Variants in PRRC2C observed in about 807,000 individuals in gnomAD.
The protein encoded by PRRC2C is protein PRRC2C.
Under a neutral mutation model 317.2 loss-of-function variants are expected in PRRC2C, and 72 were observed. The ratio of observed to expected loss-of-function variants is 0.23; its 90% confidence interval spans 0.19 to 0.28. The LOEUF is 0.28. Ranked by LOEUF, PRRC2C falls within the 10% of genes least tolerant of loss-of-function variation. The pLI, the probability that PRRC2C is intolerant of heterozygous loss-of-function variation, is 1.00. For missense variants in PRRC2C, 3,074 were observed against 3,459.7 expected (o/e 0.89, Z 2.80); for synonymous variants, 1,296 against 1,205.9 (o/e 1.07, Z -1.55).
chr1:171,573,824 G>A lies in PRRC2C; in HGVS notation c.6754-1103G>A, dbSNP rs563884367. ...CTCCCGAGTAGCTGGATTTACAGGC[G>A]CACACCACGCCCGGCTAAATTTTTT... On this transcript the variant is annotated intron_variant, in intron 24 of 34. Coordinates refer to ENST00000647382, the MANE Select transcript of PRRC2C (RefSeq NM_001387844.1). Among the ~76,000 whole-genome samples the A allele has an allele frequency of 3.3e-5, 5 of 151,538 alleles. No individual in the cohort carries two copies. The South Asian group carries it at 8.4e-4, about 25-fold the overall frequency.
chr1:171,568,484 GTAATA>G, intron 23 of PRRC2C, 145 bp downstream of exon 23: 4 of 1,312,050 alleles, frequency 3.0e-6, no homozygotes, highest in Non-Finnish European at 4.0e-6. Flanking sequence ...TAGGAGTACT[GTAATA>G]TAATTAGCAA....
chr1:171,589,659 T>A, intron 34 of PRRC2C, 54 bp downstream of exon 34: 1 of 1,204,636 alleles, frequency 8.3e-7, no homozygotes, highest in Non-Finnish European at 1.1e-6. Context: ...GAACCATGTC[T>A]TAAAATGCCT....
rs1166137326 is a variant in PRRC2C, at chr1:171,512,167, A to C, written c.79A>C (p.Lys27Gln). Residue 27 changes from lysine (K) to glutamine (Q), a missense_variant, in exon 2 of 35, where the codon AAG becomes CAG. Coordinates refer to ENST00000647382, the MANE Select transcript of PRRC2C (RefSeq NM_001387844.1). The stretch of plus-strand genomic sequence containing the variant: ...AACACTCAGTTTATTTAATACTTAC[A>C]AGGGGAAATCATTAGAAACACAGAA... ...YATLSLFNTY[K>Q]GKSLETQKTT... 6.3e-7 allele frequency: 1 copy of C among 1,578,660 alleles called. No homozygotes were observed. Among genetic ancestry groups the C allele is most frequent in the East Asian group, 2.3e-5 (1 of 43,450 alleles).
intron 22 of PRRC2C, 38 bp from the exon 23 acceptor site, chr1:171,568,209 A>G: frequency 6.5e-7 from 1 of 1,542,894 alleles, no homozygotes; most frequent in Non-Finnish European, 8.8e-7. Flanking sequence ...CAATTAATTC[A>G]GTTTAAAATG....
At chr1:171,487,823 T>C (rs996017805) in intron 1 of PRRC2C, among the ~76,000 whole-genome samples, 1 of 152,156 alleles carries the variant, frequency 6.6e-6, no homozygotes, top group Non-Finnish European at 1.5e-5. Context: ...TTCCAAGCAA[T>C]AAATAATCTG....
At chr1:171,576,084 G>GA (rs1194322622) in intron 25 of PRRC2C, among the ~76,000 whole-genome samples, 1 of 152,146 alleles carries the variant, frequency 6.6e-6, no homozygotes, top group Non-Finnish European at 1.5e-5. Flanking sequence ...ATCAAACTGT[G>GA]TTCCAACTAT....
In PRRC2C at chr1:171,541,680, A is replaced by G. The variant is rs562495185; in HGVS notation, c.4214A>G (p.Asp1405Gly). The change falls in exon 16 of 35, where the codon GAT becomes GGT. Residue 1405 changes from aspartate to glycine, a missense_variant. Around this residue, in one of 11 missense-constraint regions of PRRC2C, gnomAD observed 1,320 missense variants for 1,395.7 expected, o/e 0.95. Coordinates refer to ENST00000647382, the MANE Select transcript of PRRC2C (RefSeq NM_001387844.1). This position sits in a 1 kb window ranked among gnomAD's most constrained non-coding sequence, Gnocchi z 4.1. ...GAGCAGTTTATTCCTATAGCAGCAG[A>G]TAAACGACCTCCAAAATTTGAGCGA... is the stretch of plus-strand genomic sequence containing the variant. ...RHEQFIPIAADKRPPKFERKF... is the reference protein window; with the variant it reads ...RHEQFIPIAAGKRPPKFERKF... The G allele has an allele frequency of 1.5e-4, 237 of 1,613,980 alleles. 1 individual carries two copies. In the East Asian group the frequency reaches 4.3e-3, roughly 29 times the overall value.
At chr1:171,549,701 A>G (rs912855704) in intron 17 of PRRC2C, among the ~76,000 whole-genome samples, 1 of 152,058 alleles carries the variant, frequency 6.6e-6, no homozygotes, top group Non-Finnish European at 1.5e-5. Flanking sequence ...ATCTGGGACT[A>G]CAGGTATATA....
At chr1:171,501,235 T>G (rs12129856) in intron 1 of PRRC2C, among the ~76,000 whole-genome samples, 23,403 of 150,978 alleles carry the variant, frequency 0.16, 1,875 homozygotes, top group Middle Eastern at 0.29. Flanking sequence ...CTCAAAGCAG[T>G]CCTCCGTGCC....
rs1490817045 is a variant in PRRC2C at position 171,512,860 on chromosome 1, AATT to A, written c.113-128_113-126del. The A allele has an allele frequency of 7.1e-6, 6 of 840,288 alleles. No individual in the cohort carries two copies. The South Asian group carries it at 1.0e-4, about 14-fold the overall frequency. 52.1% of individuals were successfully genotyped at this position (840,288 alleles called of 1,614,324 possible). On this transcript the variant is annotated intron_variant, in intron 2 of 34. Coordinates refer to ENST00000647382, the MANE Select transcript of PRRC2C (RefSeq NM_001387844.1). ...TTGCAGGTGTGTAGCTTAGTTTTAAAATTATTATTTTAAAATACATGAATGAAA... is the reference window on the plus strand; with the variant it reads ...TTGCAGGTGTGTAGCTTAGTTTTAAAATTATTTTAAAATACATGAATGAAA...
Position 171,512,034 on chromosome 1 carries a change from C to T in PRRC2C, c.-55C>T. 1.1e-6 allele frequency: 1 copy of T among 921,174 alleles called. No homozygotes were observed. The highest frequency in any genetic ancestry group is 1.6e-5 in the South Asian group (1 of 60,864). The allele number at this position is 921,174 out of a possible 1,614,324, so 57.1% of individuals were successfully genotyped here. On this transcript the variant is annotated splice_region_variant and 5_prime_UTR_variant, in exon 2 of 35. Transcript: ENST00000647382. The stretch of plus-strand genomic sequence containing the variant: ...TTCTTTCTTATGTACATCTTAAGGA[C>T]TGGGGTTTTAAGGGGTGTGGCAGGA...
chr1:171,492,515 A>G (rs1667333832), intron 1 of PRRC2C, among the ~76,000 whole-genome samples: 1 of 152,016 alleles, frequency 6.6e-6, no homozygotes, highest in Admixed American at 6.6e-5. Flanking sequence ...TGTGTTCTAC[A>G]TATGGACTGA....
At chr1:171,549,692 T>C (rs1557978632) in intron 17 of PRRC2C, among the ~76,000 whole-genome samples, 1 of 152,038 alleles carries the variant, frequency 6.6e-6, no homozygotes, top group Non-Finnish European at 1.5e-5. Context: ...CTCCTGAGTA[T>C]CTGGGACTAC....
chr1:171,517,231 C>T (rs185429479), intron 5 of PRRC2C, among the ~76,000 whole-genome samples: 105 of 152,218 alleles, frequency 6.9e-4, no homozygotes, highest in Non-Finnish European at 1.3e-3. Context: ...TGTAGAAGTC[C>T]CATCTTCCTT....
intron 11 of PRRC2C, among the ~76,000 whole-genome samples, chr1:171,531,167 A>G (rs753773474): frequency 1.3e-5 from 2 of 152,224 alleles, no homozygotes; most frequent in Non-Finnish European, 2.9e-5. Context: ...AAACAGAACT[A>G]TACAAGGTTA....
chr1:171,513,845 G>A (rs976505917), intron 3 of PRRC2C, among the ~76,000 whole-genome samples: 2 of 152,120 alleles, frequency 1.3e-5, no homozygotes, highest in Admixed American at 6.5e-5. Context: ...GACTACTTCT[G>A]TAGTAATGTA....
At chr1:171,521,907 GTTACT>G (rs1478567435) in intron 6 of PRRC2C, among the ~76,000 whole-genome samples, 5 of 152,078 alleles carry the variant, frequency 3.3e-5, no homozygotes, top group Admixed American at 6.6e-5. Flanking sequence ...CTTGTTGATA[GTTACT>G]TTAATGTAAT....
At chr1:171,547,652 T>TG (rs1679395840) in intron 17 of PRRC2C, among the ~76,000 whole-genome samples, 1 of 148,652 alleles carries the variant, frequency 6.7e-6, no homozygotes, top group Non-Finnish European at 1.5e-5. Context: ...TTTTGTTTTT[T>TG]TTTTTTTTTG....
rs1271176123 is a variant in PRRC2C at position 171,512,093 on chromosome 1, C to T, written c.5C>T (p.Ser2Leu). The T allele has an allele frequency of 1.3e-6, 2 of 1,559,418 alleles. No homozygotes were observed. Among genetic ancestry groups the T allele is most frequent in the Non-Finnish European group, 1.7e-6 (2 of 1,150,586 alleles). The stretch of plus-strand genomic sequence containing the variant: ...ACTCGATGAGTTTCCACCGAAATGT[C>T]GGAGAAGTCAGGCCAGAGCACAAAA... Reference protein sequence around the residue: MSEKSGQSTKAK... With the variant: MLEKSGQSTKAK... Residue 2 changes from serine (S) to leucine (L), a missense_variant, in exon 2 of 35, where the codon TCG (serine) becomes TTG (leucine). Physicochemically the swap from Ser to Leu is moderately radical, Grantham distance 145. Transcript: ENST00000647382.
Sources: gnomAD v4.1 joint callset for allele counts (sites outside exome capture counted in the v4.1 genomes callset) on GRCh38, gnomAD v4.1.1 for gene constraint, gnomAD v4.1.1 regional missense constraint, Gnocchi (gnomAD v3.1) non-coding constraint, MANE v1.5 for transcripts, NCBI Gene and HGNC (gene_info 2026-07-23, HGNC 2026-07-21) for gene names.